The following KIAA1217 variants were observed in gnomAD, a reference collection of about 807,000 sequenced individuals.
The protein encoded by KIAA1217 is sickle tail protein homolog.
KIAA1217 carries 88 observed loss-of-function variants against 163.9 expected under a neutral mutation model. The observed-to-expected ratio is 0.54, with a 90% CI of 0.45 to 0.64. The LOEUF (loss-of-function observed/expected upper bound fraction) is 0.64. Ranked by LOEUF, KIAA1217 falls within the 30% of genes least tolerant of loss-of-function variation. The pLI is 0.00. For synonymous variants in KIAA1217, 903 were observed against 923.1 expected (o/e 0.98, Z 0.39); for missense variants, 2,372 against 2,475.0 (o/e 0.96, Z 0.88).
At chr10:23,937,696 A>G (rs1340736093) in intron 1 of KIAA1217, among the ~76,000 whole-genome samples, 1 of 152,146 alleles carries the variant, frequency 6.6e-6, no homozygotes, top group Non-Finnish European at 1.5e-5. Flanking sequence ...TCATAAGTAA[A>G]TGGGAACTTC....
intron 1 of KIAA1217, among the ~76,000 whole-genome samples, chr10:23,778,580 T>G (rs2130896805): frequency 6.6e-6 from 1 of 152,314 alleles, no homozygotes; most frequent in African/African-American, 2.4e-5. Flanking sequence ...ACATCTTATG[T>G]GCTTGGTTAG....
intron 10 of KIAA1217, among the ~76,000 whole-genome samples, chr10:24,517,326 A>G (rs1452115248): frequency 6.6e-6 from 1 of 152,210 alleles, no homozygotes; most frequent in Non-Finnish European, 1.5e-5. Context: ...ACAGCTGGAA[A>G]TAGCTAGAAG....
chr10:24,528,395 C>A (rs1482693849), intron 14 of KIAA1217, among the ~76,000 whole-genome samples: 2 of 149,348 alleles, frequency 1.3e-5, no homozygotes. Flanking sequence ...GATCTTAGCT[C>A]ACTATAACTT....
Position 23,695,510 on chromosome 10 carries a change from A to G in KIAA1217, c.-321+276A>G, listed in dbSNP as rs1395709199. Among the ~76,000 whole-genome samples, 2 of 152,102 alleles carry G rather than the reference A, an allele frequency of 1.3e-5. No homozygotes were observed. Among genetic ancestry groups the G allele is most frequent in the Non-Finnish European group, 2.9e-5 (2 of 68,012 alleles). On this transcript the variant is annotated intron_variant, in intron 1 of 18. Transcript: ENST00000376462. The surrounding 1 kb of genome is among the most constrained non-coding windows in gnomAD (Gnocchi z 4.9). ...GGACCCCGGGGATCTCAGAAAGGGA[A>G]GGATGTGGGGAGAGTGAAGGTGGAG...
chr10:24,432,294 T>C (rs2059665589), intron 3 of KIAA1217, among the ~76,000 whole-genome samples: 1 of 149,300 alleles, frequency 6.7e-6, no homozygotes, highest in Non-Finnish European at 1.5e-5. Context: ...ATTTTTGTAT[T>C]TTTAGTAGAG....
At chr10:23,769,135 G>A (rs938868643) in intron 1 of KIAA1217, among the ~76,000 whole-genome samples, 3 of 152,172 alleles carry the variant, frequency 2.0e-5, no homozygotes, top group Non-Finnish European at 4.4e-5. Flanking sequence ...GAGCATTCTG[G>A]GATTAGCATT....
At chr10:24,227,764 C>A (rs531679737) in intron 2 of KIAA1217, among the ~76,000 whole-genome samples, 89 of 151,320 alleles carry the variant, frequency 5.9e-4, no homozygotes, top group African/African-American at 2.1e-3. Context: ...GAGCTCCTGG[C>A]CTCATGATCC....
At chr10:24,189,778 G>A (rs139176008) in intron 2 of KIAA1217, among the ~76,000 whole-genome samples, 1 of 152,314 alleles carries the variant, frequency 6.6e-6, no homozygotes, top group African/African-American at 2.4e-5. Context: ...GACTTTGGGA[G>A]GCCAAGGTGA....
intron 1 of KIAA1217, among the ~76,000 whole-genome samples, chr10:23,747,903 A>G (rs12248390): frequency 0.076 from 11,554 of 152,208 alleles, 854 homozygotes; most frequent in African/African-American, 0.19. Context: ...CTGTTTTGCA[A>G]TGAGAGCCAG....
rs372469804 is a variant in KIAA1217 at position 24,274,687 on chromosome 10, T to C, written c.354+54778T>C. ...AAATACAGGGTTAGGTTCCTGTGAG[T>C]CTTTGGTTACCTTTTTATCAACCAA... On this transcript the variant is annotated intron_variant, in intron 2 of 20. Coordinates refer to ENST00000376454, the MANE Select transcript of KIAA1217 (RefSeq NM_019590.5). 1.2e-4 allele frequency among the ~76,000 whole-genome samples: 18 copies of C among 152,180 alleles called. 1 individual carries two copies. Among genetic ancestry groups the C allele is most frequent in the Admixed American group, 9.8e-4 (15 of 15,278 alleles).
intron 5 of KIAA1217, among the ~76,000 whole-genome samples, chr10:24,447,154 A>C (rs7910279): frequency 0.09 from 13,504 of 150,122 alleles, 706 homozygotes; most frequent in East Asian, 0.18. Context: ...CCTTTTCCTG[A>C]CTGCACTGAG....
At chr10:23,823,388 T>G (rs1837718876) in intron 1 of KIAA1217, among the ~76,000 whole-genome samples, 1 of 152,250 alleles carries the variant, frequency 6.6e-6, no homozygotes, top group Non-Finnish European at 1.5e-5. Context: ...CAGCAAAAGT[T>G]TGAGTCCTTC....
chr10:23,778,526 G>T (rs1347285952), intron 1 of KIAA1217, among the ~76,000 whole-genome samples: 1 of 152,206 alleles, frequency 6.6e-6, no homozygotes, highest in Non-Finnish European at 1.5e-5. Flanking sequence ...CTGATTGGAG[G>T]CCATTGTTGT....
chr10:24,423,895 C>T (rs2058966569), intron 3 of KIAA1217, among the ~76,000 whole-genome samples: 2 of 152,128 alleles, frequency 1.3e-5, no homozygotes, highest in Admixed American at 6.5e-5. Flanking sequence ...ATTTCTCAGT[C>T]CTTCATAAAG....
chr10:24,486,202 C>T (rs988162319), intron 6 of KIAA1217, among the ~76,000 whole-genome samples: 1 of 152,200 alleles, frequency 6.6e-6, no homozygotes, highest in South Asian at 2.1e-4. Context: ...TCAGCCTGTT[C>T]TCAGTGGAGG....
At chr10:24,312,610 T>G (rs1392361539) in intron 2 of KIAA1217, among the ~76,000 whole-genome samples, 1 of 150,666 alleles carries the variant, frequency 6.6e-6, no homozygotes. Flanking sequence ...AGAATGAGAC[T>G]CCATTTCAAA....
chr10:24,505,853 A>G (rs986859273), intron 9 of KIAA1217, among the ~76,000 whole-genome samples: 1 of 152,068 alleles, frequency 6.6e-6, no homozygotes, highest in Non-Finnish European at 1.5e-5. Flanking sequence ...ATTCAATACA[A>G]TTTCCTTAAT....
chr10:24,127,903 A>G (rs1417533157), intron 2 of KIAA1217, among the ~76,000 whole-genome samples: 1 of 152,230 alleles, frequency 6.6e-6, no homozygotes, highest in East Asian at 1.9e-4. Flanking sequence ...GCAACATGTT[A>G]GTAATAAGTC....
chr10:23,756,060 G>C (rs1163407900), intron 1 of KIAA1217, among the ~76,000 whole-genome samples: 1 of 151,484 alleles, frequency 6.6e-6, no homozygotes, highest in Non-Finnish European at 1.5e-5. Flanking sequence ...AGGATCAAGG[G>C]ATCTTCCCAC....
Sources: allele counts gnomAD v4.1 joint callset (sites outside exome capture counted in the v4.1 genomes callset), GRCh38; gene constraint gnomAD v4.1.1; non-coding constraint Gnocchi (gnomAD v3.1); transcripts MANE v1.5; gene names NCBI Gene and HGNC (gene_info 2026-07-23, HGNC 2026-07-21).